The following PRKCE variants were observed in gnomAD, a reference collection of about 807,000 sequenced individuals.
The protein encoded by PRKCE is protein kinase C epsilon.
Under a neutral mutation model 85.4 loss-of-function variants are expected in PRKCE, and 16 were observed. The ratio of observed to expected loss-of-function variants is 0.19; its 90% CI spans 0.13 to 0.28. The LOEUF (loss-of-function observed/expected upper bound fraction) is 0.28. Ranked by LOEUF, PRKCE falls within the 10% of genes least tolerant of loss-of-function variation. The pLI is 1.00. For synonymous variants in PRKCE, 388 were observed against 371.5 expected (o/e 1.04, Z -0.51); for missense variants, 573 against 975.2 (o/e 0.59, Z 5.49).
chr2:46,063,749 T>TA lies in PRKCE; in HGVS notation c.1438-22454dup, dbSNP rs777754550. On this transcript the variant is annotated intron_variant, in intron 10 of 14. Transcript: ENST00000306156. ...GACCAATCGCCACTTCCTTCTGGGG[T>TA]AAAAATCCTTACCAGCAACTCCTTA... Among the ~76,000 whole-genome samples the TA allele has an allele frequency of 1.0e-3, 153 of 152,240 alleles. 1 individual carries two copies. The highest frequency in any genetic ancestry group is 5.7e-4 in the Non-Finnish European group (39 of 68,008).
chr2:45,822,064 G>A (rs1199055854), intron 1 of PRKCE, among the ~76,000 whole-genome samples: 2 of 152,174 alleles, frequency 1.3e-5, no homozygotes, highest in African/African-American at 4.8e-5. Context: ...AGAGCAGGGT[G>A]CAGAATGTTC....
intron 2 of PRKCE, among the ~76,000 whole-genome samples, chr2:45,888,310 A>G (rs1245513875): frequency 6.6e-6 from 1 of 152,196 alleles, no homozygotes; most frequent in East Asian, 1.9e-4. Context: ...ACAATATGTT[A>G]AGAAGCTGTC....
chr2:46,159,981 G>A lies in PRKCE; in HGVS notation c.2067+229G>A, dbSNP rs1285185551. ...GCACCCAAGATGATGATTTACGTGG[G>A]CCACAGAACACCTTTTGTCTTTACA... On this transcript the variant is annotated intron_variant, in intron 14 of 14. Transcript: ENST00000306156. This position sits in a 1 kb window ranked among gnomAD's most constrained non-coding sequence, Gnocchi z 4.1. The A allele has an allele frequency of 2.0e-6, 1 of 496,280 alleles. No individual in the cohort carries two copies. The highest frequency in any genetic ancestry group is 3.0e-5 in the South Asian group (1 of 33,888). 30.7% of individuals were successfully genotyped at this position (496,280 alleles called of 1,614,324 possible).
At chr2:46,085,574 A>ACAC (rs1669524993) in intron 10 of PRKCE, among the ~76,000 whole-genome samples, 1 of 115,370 alleles carries the variant, frequency 8.7e-6, no homozygotes, top group African/African-American at 3.4e-5. Context: ...GTTTCACTCC[A>ACAC]ATCTCTGCCT....
At chr2:45,713,007 G>C (rs1476572305) in intron 1 of PRKCE, among the ~76,000 whole-genome samples, 1 of 152,148 alleles carries the variant, frequency 6.6e-6, no homozygotes. Context: ...TCTGTAATGC[G>C]CATCATGATT....
chr2:46,031,666 C>T (rs1487324265), intron 10 of PRKCE, among the ~76,000 whole-genome samples: 3 of 150,492 alleles, frequency 2.0e-5, no homozygotes, highest in South Asian at 4.2e-4. Flanking sequence ...GAGTAAAATG[C>T]TCATAAATGC....
At chr2:45,841,461 A>T (rs1256632905) in intron 1 of PRKCE, among the ~76,000 whole-genome samples, 1 of 152,230 alleles carries the variant, frequency 6.6e-6, no homozygotes, top group Non-Finnish European at 1.5e-5. Context: ...GCACAAGAGA[A>T]AGATGAAGGC....
intron 10 of PRKCE, among the ~76,000 whole-genome samples, chr2:46,020,200 G>A (rs546612265): frequency 7.9e-5 from 12 of 152,066 alleles, no homozygotes; most frequent in African/African-American, 2.9e-4. Context: ...TGTTGCTTCA[G>A]TGTATGGTGG....
chr2:45,688,308 T>TCATG (rs1338942329), intron 1 of PRKCE, among the ~76,000 whole-genome samples: 22 of 152,156 alleles, frequency 1.4e-4, no homozygotes, highest in Non-Finnish European at 2.9e-4. Context: ...GTGTAAGATG[T>TCATG]CATGGCTGCT....
At chr2:45,819,470 T>C (rs1401157390) in intron 1 of PRKCE, among the ~76,000 whole-genome samples, 1 of 152,224 alleles carries the variant, frequency 6.6e-6, no homozygotes, top group Non-Finnish European at 1.5e-5. Flanking sequence ...TTGTCCTCAG[T>C]TGCAGCTGAG....
chr2:46,084,048 G>C (rs934898931), intron 10 of PRKCE, among the ~76,000 whole-genome samples: 1 of 152,178 alleles, frequency 6.6e-6, no homozygotes, highest in Admixed American at 6.5e-5. Context: ...TTTAATTTTT[G>C]AAATGAGGAT....
At chr2:45,924,043 A>T (rs1698437864) in intron 2 of PRKCE, among the ~76,000 whole-genome samples, 1 of 152,110 alleles carries the variant, frequency 6.6e-6, no homozygotes, top group Non-Finnish European at 1.5e-5. Context: ...TGAGAGGTGG[A>T]GAGGAGAAAA....
At chr2:45,940,968 A>AG (rs770946013) in intron 2 of PRKCE, among the ~76,000 whole-genome samples, 46 of 147,942 alleles carry the variant, frequency 3.1e-4, no homozygotes, top group Admixed American at 1.4e-4. Context: ...TGGGAGGCTG[A>AG]GGCAGGAGAC....
intron 1 of PRKCE, among the ~76,000 whole-genome samples, chr2:45,707,941 AT>A (rs1679257089): frequency 6.6e-6 from 1 of 152,266 alleles, no homozygotes; most frequent in Admixed American, 6.5e-5. Context: ...AGCATGACTT[AT>A]GTCTGGTACC....
At chr2:45,861,243 T>C (rs1005025821) in intron 2 of PRKCE, among the ~76,000 whole-genome samples, 2 of 152,146 alleles carry the variant, frequency 1.3e-5, no homozygotes, top group Non-Finnish European at 2.9e-5. Context: ...CTAATTTGGT[T>C]CTAACCTCCA....
At position 46,103,290 on chromosome 2, in the gene PRKCE, TA is replaced by T. The variant is rs1671409380; in HGVS notation, c.1592+16929del. 2.6e-5 allele frequency among the ~76,000 whole-genome samples: 4 copies of T among 152,362 alleles called. No individual in the cohort carries two copies. The South Asian group carries it at 8.3e-4, about 32-fold the overall frequency. ...TTTTCAGCACTTTCTTACTTTCTGGTATTACAAAATGTATATTTCTTGCCCC... is the reference window on the plus strand; with the variant it reads ...TTTTCAGCACTTTCTTACTTTCTGGTTTACAAAATGTATATTTCTTGCCCC... On this transcript the variant is annotated intron_variant, in intron 11 of 14. Coordinates refer to ENST00000306156, the MANE Select transcript of PRKCE (RefSeq NM_005400.3).
intron 11 of PRKCE, among the ~76,000 whole-genome samples, chr2:46,104,659 C>G (rs1671552501): frequency 6.6e-6 from 1 of 152,094 alleles, no homozygotes; most frequent in Non-Finnish European, 1.5e-5. Flanking sequence ...CTTTGATGTT[C>G]AACTTATGAG....
chr2:45,656,575 C>T (rs765058549), intron 1 of PRKCE, among the ~76,000 whole-genome samples: 6 of 152,114 alleles, frequency 3.9e-5, no homozygotes, highest in Non-Finnish European at 8.8e-5. Context: ...CAGTTAATAA[C>T]GCTACTCAGA....
intron 10 of PRKCE, among the ~76,000 whole-genome samples, chr2:46,073,165 T>C (rs1668223899): frequency 6.6e-6 from 1 of 152,100 alleles, no homozygotes; most frequent in Non-Finnish European, 1.5e-5. Flanking sequence ...CTTGCAAAAG[T>C]GAACATCCAG....
Sources: allele counts gnomAD v4.1 joint callset (sites outside exome capture counted in the v4.1 genomes callset), GRCh38; gene constraint gnomAD v4.1.1; non-coding constraint Gnocchi (gnomAD v3.1); transcripts MANE v1.5; gene names NCBI Gene and HGNC (gene_info 2026-07-23, HGNC 2026-07-21).